The following METAP1 variants were observed in gnomAD, a reference collection of about 807,000 sequenced individuals.
METAP1 encodes the protein methionyl aminopeptidase 1.
In METAP1, 28 loss-of-function variants were observed where a neutral mutation model predicts 53.8. That is an observed-to-expected ratio of 0.52 (90% confidence interval 0.39 to 0.71). METAP1 has a LOEUF of 0.71. METAP1 is among the 30% of genes least tolerant of loss of function. METAP1 has a pLI of 0.00. For synonymous variants in METAP1, 181 were observed against 165.7 expected (o/e 1.09, Z -0.71); for missense variants, 389 against 479.8 (o/e 0.81, Z 1.77).
At chr4:99,014,601 C>T (rs951811792) in intron 1 of METAP1, among the ~76,000 whole-genome samples, 4 of 152,140 alleles carry the variant, frequency 2.6e-5, no homozygotes, top group East Asian at 1.9e-4. Context: ...CAACACCTGT[C>T]GCATCTAGGT....
chr4:98,999,702 G>T (rs1017521503), intron 1 of METAP1, among the ~76,000 whole-genome samples: 4 of 150,752 alleles, frequency 2.7e-5, no homozygotes, highest in Admixed American at 6.6e-5. Context: ...TAGTAGAGAC[G>T]GGCTTTCACC....
At position 98,995,774 on chromosome 4, in the gene METAP1, G is replaced by A. The variant is rs1270356266; in HGVS notation, c.21G>A (p.Arg7=). Residue 7 remains arginine (R), a synonymous_variant, in exon 1 of 11, where the codon CGG becomes CGA. Transcript: ENST00000296411. The stretch of plus-strand genomic sequence containing the variant: ...GCAGCATGGCGGCCGTGGAGACGCG[G>A]GTGTGCGAGACAGACGGCTGCAGCA... MAAVET[R]VCETDGCSSE... 1 of 1,545,048 alleles carries A rather than the reference G, an allele frequency of 6.5e-7. No homozygotes were observed. The highest frequency in any genetic ancestry group is 2.0e-5 in the Admixed American group (1 of 50,742).
intron 4 of METAP1, 180 bp from the exon 5 acceptor site, chr4:99,039,194 T>G: frequency 2.3e-6 from 1 of 443,960 alleles, no homozygotes; most frequent in Non-Finnish European, 4.0e-6. Context: ...GTTTAGCGAG[T>G]TTCCCTTTGA....
At chr4:99,011,942 A>AAAAACAAAAC (rs201104558) in intron 1 of METAP1, among the ~76,000 whole-genome samples, 1 of 152,168 alleles carries the variant, frequency 6.6e-6, no homozygotes, top group Non-Finnish European at 1.5e-5. Flanking sequence ...CTCCATCTCA[A>AAAAACAAAAC]AAAACAAAAC....
chr4:99,012,069 T>C (rs1723498639), intron 1 of METAP1, among the ~76,000 whole-genome samples: 3 of 152,174 alleles, frequency 2.0e-5, no homozygotes, highest in Admixed American at 6.5e-5. Context: ...TTTCATTGTT[T>C]TTATTTTTTT....
intron 1 of METAP1, among the ~76,000 whole-genome samples, chr4:99,018,088 ACTT>A (rs1723882073): frequency 6.6e-6 from 1 of 152,280 alleles, no homozygotes; most frequent in Non-Finnish European, 1.5e-5. Flanking sequence ...AAAGCAATTT[ACTT>A]CTTAATGCAT....
rs1250986482 is a variant in METAP1, at chr4:99,042,702, A to G, written c.517-547A>G. Reference sequence around the variant, plus strand: ...CTTCAAATATTTTATTTTTACTTTAACATTTTTCATAAGGACTAGTTAATT... The same window carrying G: ...CTTCAAATATTTTATTTTTACTTTAGCATTTTTCATAAGGACTAGTTAATT... On this transcript the variant is annotated intron_variant, in intron 6 of 10. Transcript: ENST00000296411. Among the ~76,000 whole-genome samples the G allele has an allele frequency of 2.0e-5, 3 of 152,182 alleles. No individual in the cohort carries two copies. The South Asian group carries it at 6.2e-4, about 32-fold the overall frequency.
chr4:99,027,391 G>T (rs1724636268), intron 1 of METAP1, among the ~76,000 whole-genome samples: 1 of 152,136 alleles, frequency 6.6e-6, no homozygotes, highest in South Asian at 2.1e-4. Context: ...GGAACTCAGT[G>T]GGCTTCAAGG....
chr4:99,022,924 C>T, intron 1 of METAP1: 11 of 1,500,614 alleles, frequency 7.3e-6, no homozygotes, highest in Non-Finnish European at 9.0e-6. Context: ...TCTGACCTCA[C>T]CATAGGCACT....
At chr4:99,027,566 A>G (rs1288597283) in intron 1 of METAP1, among the ~76,000 whole-genome samples, 1 of 149,206 alleles carries the variant, frequency 6.7e-6, no homozygotes. Flanking sequence ...CCTTTGTCAT[A>G]TAACCTAACA....
intron 1 of METAP1, chr4:99,025,506 G>A: frequency 3.2e-6 from 3 of 940,250 alleles, no homozygotes; most frequent in Non-Finnish European, 3.8e-6. Context: ...TTTGAAGTGG[G>A]GAATAACATG....
chr4:99,010,926 T>G lies in METAP1; in HGVS notation c.114+15059T>G, dbSNP rs376576275. 2.0e-5 allele frequency among the ~76,000 whole-genome samples: 3 copies of G among 152,204 alleles called. No homozygotes were observed. In the South Asian group the frequency reaches 6.2e-4, roughly 31 times the overall value. On this transcript the variant is annotated intron_variant, in intron 1 of 10. Coordinates refer to ENST00000296411, the MANE Select transcript of METAP1 (RefSeq NM_015143.3). ...TAGGTATTTTATTTTTAATGGAAAT[T>G]TATTTTTAAATGGAATTGTTCCTTA...
At chr4:99,002,283 T>C (rs1722958016) in intron 1 of METAP1, among the ~76,000 whole-genome samples, 1 of 152,176 alleles carries the variant, frequency 6.6e-6, no homozygotes, top group Non-Finnish European at 1.5e-5. Context: ...CAAACACTTT[T>C]AGATAGATAT....
intron 1 of METAP1, among the ~76,000 whole-genome samples, chr4:98,996,849 G>T (rs555699876): frequency 6.6e-6 from 1 of 152,324 alleles, no homozygotes; most frequent in South Asian, 2.1e-4. Flanking sequence ...ATATTAAATT[G>T]GTAGCGTCCT....
intron 1 of METAP1, among the ~76,000 whole-genome samples, chr4:99,017,079 T>A (rs1723809424): frequency 6.6e-6 from 1 of 152,258 alleles, no homozygotes. Flanking sequence ...CTCTTTTGGC[T>A]ACCTGATCTG....
At chr4:99,008,865 T>C (rs1723319021) in intron 1 of METAP1, among the ~76,000 whole-genome samples, 1 of 152,244 alleles carries the variant, frequency 6.6e-6, no homozygotes, top group African/African-American at 2.4e-5. Context: ...ATTTACCATT[T>C]TTTACATATC....
chr4:99,007,487 T>G (rs1289471025), intron 1 of METAP1, among the ~76,000 whole-genome samples: 1 of 152,172 alleles, frequency 6.6e-6, no homozygotes, highest in African/African-American at 2.4e-5. Context: ...ATTGCGATGA[T>G]CCTTACCTGA....
At chr4:99,008,650 G>A (rs560222693) in intron 1 of METAP1, among the ~76,000 whole-genome samples, 1 of 152,250 alleles carries the variant, frequency 6.6e-6, no homozygotes, top group South Asian at 2.1e-4. Context: ...TTTTGGACAT[G>A]TTAATCTGTG....
Position 99,011,778 on chromosome 4 carries a change from TA to T in METAP1, c.114+15916del, listed in dbSNP as rs1723482217. ...CAACATGGAGAAATGCCATCTCTAC[TA>T]AAAATACAAAATTAGCCAGGCGTGG... On this transcript the variant is annotated intron_variant, in intron 1 of 10. Coordinates refer to ENST00000296411, the MANE Select transcript of METAP1 (RefSeq NM_015143.3). Among the ~76,000 whole-genome samples the T allele has an allele frequency of 2.6e-5, 4 of 152,096 alleles. No homozygotes were observed. In the South Asian group the frequency reaches 8.3e-4, roughly 32 times the overall value.
Sources: allele counts gnomAD v4.1 joint callset (sites outside exome capture counted in the v4.1 genomes callset), GRCh38; gene constraint gnomAD v4.1.1; transcripts MANE v1.5; gene names NCBI Gene and HGNC (gene_info 2026-07-23, HGNC 2026-07-21).